SOX6: variants seen among roughly 807,000 people sequenced by gnomAD.
SOX6 encodes the protein SRY-box transcription factor 6.
In SOX6, 11 loss-of-function variants were observed where a neutral mutation model predicts 97.8. The ratio of observed to expected loss-of-function variants is 0.11; its 90% confidence interval spans 0.07 to 0.19. The LOEUF (loss-of-function observed/expected upper bound fraction) is 0.19, where lower values mean the gene tolerates loss of function less well. Ranked by LOEUF, SOX6 falls within the 10% of genes least tolerant of loss-of-function variation. SOX6 has a pLI of 1.00. For synonymous variants in SOX6, 360 were observed against 371.4 expected, an observed-to-expected ratio of 0.97 and a Z score of 0.35; for missense variants, 810 against 1,039.5, an observed-to-expected ratio of 0.78 and a Z score of 3.04.
rs923651192 is a variant in SOX6, at chr11:16,737,913, GA to G, written n.219+511del. On this transcript the variant is annotated intron_variant and non_coding_transcript_variant, in intron 1 of 5. Coordinates refer to the SOX6 transcript ENST00000524520. ...CTCAATAATTACTTTTTTTAAAAAA[GA>G]AAAAAAATAGAGGCTTTTGTGGCAG... Among the ~76,000 whole-genome samples, 52 of 151,674 alleles carry G rather than the reference GA, an allele frequency of 3.4e-4. 1 individual carries two copies. In the East Asian group the frequency reaches 6.4e-3, roughly 19 times the overall value.
chr11:16,688,237 G>A (rs1281908606), intron 3 of SOX6, among the ~76,000 whole-genome samples: 2 of 152,142 alleles, frequency 1.3e-5, no homozygotes, highest in Admixed American at 6.6e-5. Context: ...GTCTCCCAAA[G>A]TGTTGGGATG....
intron 1 of SOX6, among the ~76,000 whole-genome samples, chr11:16,436,405 C>T (rs1183310233): frequency 6.6e-6 from 1 of 152,036 alleles, no homozygotes; most frequent in African/African-American, 2.4e-5. Flanking sequence ...TCCCTCTCTC[C>T]TTTCCTCCCT....
intron 1 of SOX6, among the ~76,000 whole-genome samples, chr11:16,364,094 C>T (rs1857283117): frequency 6.6e-6 from 1 of 152,096 alleles, no homozygotes; most frequent in Non-Finnish European, 1.5e-5. Context: ...AACAAATTAA[C>T]TATAAAGAAT....
At chr11:16,359,383 T>A (rs1857147425), upstream of SOX6, among the ~76,000 whole-genome samples, 1 of 152,016 alleles carries the variant, frequency 6.6e-6, no homozygotes, top group Non-Finnish European at 1.5e-5. Flanking sequence ...TCAAATGCAA[T>A]TCAAAATAGT....
intron 2 of SOX6, among the ~76,000 whole-genome samples, chr11:16,320,813 A>C (rs914864170): frequency 8.5e-5 from 13 of 152,178 alleles, no homozygotes; most frequent in African/African-American, 3.1e-4. Flanking sequence ...ATTGAGATAA[A>C]TCTTAATTTT....
chr11:16,182,689 A>G (rs1216570759), intron 6 of SOX6, among the ~76,000 whole-genome samples: 1 of 151,906 alleles, frequency 6.6e-6, no homozygotes, highest in Non-Finnish European at 1.5e-5. Flanking sequence ...ACAAAAACCA[A>G]CAAAAAAGTT....
intron 2 of SOX6, among the ~76,000 whole-genome samples, chr11:16,329,152 A>G (rs1180913485): frequency 6.6e-6 from 1 of 152,148 alleles, no homozygotes; most frequent in Non-Finnish European, 1.5e-5. Context: ...TTTGTTACCA[A>G]TATTTGCTAA....
chr11:16,233,613 T>G (rs1379340888), intron 4 of SOX6, among the ~76,000 whole-genome samples: 1 of 152,184 alleles, frequency 6.6e-6, no homozygotes, highest in African/African-American at 2.4e-5. Flanking sequence ...GAGTACTTTC[T>G]TAAGTGCCAG....
At chr11:16,716,279 T>A (rs1345532374) in intron 2 of SOX6, among the ~76,000 whole-genome samples, 1 of 152,034 alleles carries the variant, frequency 6.6e-6, no homozygotes, top group Non-Finnish European at 1.5e-5. Context: ...TGTGGTGGTA[T>A]GCACCTATAG....
intron 9 of SOX6, among the ~76,000 whole-genome samples, chr11:16,073,139 G>T (rs1483527887): frequency 6.6e-6 from 1 of 152,088 alleles, no homozygotes; most frequent in African/African-American, 2.4e-5. Context: ...CAATTAAAAG[G>T]CATGAAGTGG....
chr11:16,079,931 G>A (rs1276098396), intron 9 of SOX6, among the ~76,000 whole-genome samples: 1 of 151,896 alleles, frequency 6.6e-6, no homozygotes, highest in Non-Finnish European at 1.5e-5. Context: ...CATTCAAATA[G>A]TATATAATAA....
chr11:16,359,409 T>C (rs1857148652), upstream of SOX6, among the ~76,000 whole-genome samples: 1 of 152,110 alleles, frequency 6.6e-6, no homozygotes. Flanking sequence ...TTTTATCCTC[T>C]GGGAAATAGG....
At chr11:16,373,869 AAGGAAGGAAGGAAGGAAGGGAGGG>A (rs1857569400) in intron 1 of SOX6, among the ~76,000 whole-genome samples, 3 of 31,850 alleles carry the variant, frequency 9.4e-5, no homozygotes, top group African/African-American at 1.6e-4. Context: ...GGAAGGAAGG[AAGGAAGGAAGGAAGGAAGGGAGGG>A]AGGGAGGAAG....
chr11:16,340,893 TG>T (rs1373457527), intron 2 of SOX6, 118 bp downstream of exon 2: 11 of 1,387,870 alleles, frequency 7.9e-6, no homozygotes, highest in Non-Finnish European at 9.9e-6. Context: ...ACCTGGTAGT[TG>T]TTTCATGATC....
intron 3 of SOX6, among the ~76,000 whole-genome samples, chr11:16,625,561 C>T (rs1049404555): frequency 2.0e-5 from 3 of 152,196 alleles, no homozygotes; most frequent in African/African-American, 4.8e-5. Context: ...AAGGTGACTC[C>T]TGATGGGCTC....
chr11:16,405,813 TGATTTTTACACCATGTTGTCTTTA>T (rs1590190957), intron 1 of SOX6, among the ~76,000 whole-genome samples: 2 of 152,170 alleles, frequency 1.3e-5, no homozygotes, highest in East Asian at 3.9e-4. Context: ...TTCATAGCAC[TGATTTTTACACCATGTTGTCTTTA>T]ACCAGCTCAA....
chr11:16,443,484 G>C (rs1694955019), intron 1 of SOX6, among the ~76,000 whole-genome samples: 1 of 152,092 alleles, frequency 6.6e-6, no homozygotes, highest in South Asian at 2.1e-4. Context: ...ACAGTGCTAG[G>C]TCCTTGACAA....
chr11:16,041,537 C>T (rs938697737), intron 12 of SOX6, among the ~76,000 whole-genome samples: 2 of 151,940 alleles, frequency 1.3e-5, no homozygotes, highest in African/African-American at 4.8e-5. Context: ...ACAATGTGCC[C>T]CAATGATTAG....
intron 13 of SOX6, among the ~76,000 whole-genome samples, chr11:16,005,492 A>G (rs978806378): frequency 1.3e-5 from 2 of 152,048 alleles, no homozygotes; most frequent in Non-Finnish European, 2.9e-5. Flanking sequence ...ATTGACTATG[A>G]AATTATAATA....
Sources: allele counts gnomAD v4.1 joint callset (sites outside exome capture counted in the v4.1 genomes callset), GRCh38; gene constraint gnomAD v4.1.1; transcripts MANE v1.5; gene names NCBI Gene and HGNC (gene_info 2026-07-23, HGNC 2026-07-21).